Variants in IGF2R observed in about 807,000 individuals in gnomAD.
IGF2R encodes the protein insulin like growth factor 2 receptor, also known as cation-independent mannose-6-phosphate receptor.
IGF2R carries 91 observed loss-of-function variants against 270.6 expected under a neutral mutation model. The ratio of observed to expected loss-of-function variants is 0.34; its 90% CI spans 0.28 to 0.40. The LOEUF (loss-of-function observed/expected upper bound fraction) is 0.40, where lower values mean the gene tolerates loss of function less well. IGF2R is among the 10% of genes least tolerant of loss of function. The pLI is 1.00. For missense variants in IGF2R, 2,805 were observed against 3,188.3 expected (o/e 0.88, Z 2.90); for synonymous variants, 1,316 against 1,258.9 (o/e 1.05, Z -0.96).
intron 4 of IGF2R, 131 bp from the exon 5 acceptor site, chr6:160,024,441 C>T (rs749330117): frequency 6.0e-6 from 5 of 828,702 alleles, no homozygotes; most frequent in South Asian, 1.7e-5. Context: ...TGCCTGAGTT[C>T]GTTATTAGGG....
chr6:159,987,431 G>A (rs1331996423), intron 1 of IGF2R, among the ~76,000 whole-genome samples: 1 of 152,134 alleles, frequency 6.6e-6, no homozygotes, highest in African/African-American at 2.4e-5. Flanking sequence ...TCGCTGTGTT[G>A]CCCAGGCTGG....
In IGF2R at chr6:160,102,747, G is replaced by A. The variant is rs1779516658; in HGVS notation, c.6995+76G>A. Reference sequence around the variant, plus strand: ...GCTAATCTTGGGGTCAGTTTTGTGGGGTTTTATTTATTTGTTTTTAAGCCC... The same window carrying A: ...GCTAATCTTGGGGTCAGTTTTGTGGAGTTTTATTTATTTGTTTTTAAGCCC... On this transcript the variant is annotated intron_variant, in intron 46 of 47. Transcript: ENST00000356956. This position sits in a 1 kb window ranked among gnomAD's most constrained non-coding sequence, Gnocchi z 4.5. The A allele has an allele frequency of 1.4e-6, 2 of 1,461,470 alleles. No individual in the cohort carries two copies. 90.5% of individuals were successfully genotyped at this position (1,461,470 alleles called of 1,614,324 possible).
chr6:160,011,748 T>A (rs1179894861), intron 4 of IGF2R, among the ~76,000 whole-genome samples: 1 of 152,136 alleles, frequency 6.6e-6, no homozygotes, highest in African/African-American at 2.4e-5. Flanking sequence ...TTCTCCCTGG[T>A]CCTGGGGAAG....
rs374778752 is a variant in IGF2R at position 160,109,733 on chromosome 6, T to C, written c.*4649T>C. 17 of 152,228 alleles carry C rather than the reference T, an allele frequency of 1.1e-4. No individual in the cohort carries two copies. Among genetic ancestry groups the C allele is most frequent in the African/African-American group, 3.6e-4 (15 of 41,456 alleles). The allele number at this position is 152,228 out of a possible 1,614,324, so 9.4% of individuals were successfully genotyped here. A position where few individuals can be genotyped will look rare whatever the true frequency, so the allele number is the denominator to read the frequency against. ...AAGTTTCTCCTTTCTGTAACCTCCA[T>C]GACCTTGACACATGAGGTCACTCTT... On this transcript the variant is annotated 3_prime_UTR_variant, in exon 48 of 48. Coordinates refer to ENST00000356956, the MANE Select transcript of IGF2R (RefSeq NM_000876.4).
chr6:159,979,984 G>T (rs1331611270), intron 1 of IGF2R, among the ~76,000 whole-genome samples: 1 of 152,092 alleles, frequency 6.6e-6, no homozygotes, highest in East Asian at 1.9e-4. Context: ...GAGGTCAGGA[G>T]ATCGAGACCA....
intron 47 of IGF2R, among the ~76,000 whole-genome samples, 171 bp from the exon 48 acceptor site, chr6:160,104,503 C>T (rs568678932): frequency 9.9e-5 from 15 of 152,118 alleles, no homozygotes; most frequent in Admixed American, 9.2e-4. Flanking sequence ...GAAGGTGTTG[C>T]CAGCCCTCGT....
rs762601735 is a variant in IGF2R, at chr6:160,090,053, A to T, written c.6605A>T (p.His2202Leu). The change falls in exon 44 of 48, where the codon CAC becomes CTC. Residue 2202 changes from histidine to leucine, a missense_variant. Physicochemically the swap from His to Leu is moderately conservative, Grantham distance 99. Around this residue, in one of 2 missense-constraint regions of IGF2R, gnomAD observed 1,851 missense variants for 2,207.2 expected, o/e 0.84. Transcript: ENST00000356956. ...TGCCAGGTGAAGCCCAACGATCAGC[A>T]CTTCAGTCGGAAAGTTGGAACCTCT... is the stretch of plus-strand genomic sequence containing the variant. ...NICQVKPNDQHFSRKVGTSDK... is the reference protein window; with the variant it reads ...NICQVKPNDQLFSRKVGTSDK... The T allele has an allele frequency of 6.9e-6, 11 of 1,591,660 alleles. No homozygotes were observed. Among genetic ancestry groups the T allele is most frequent in the South Asian group, 4.6e-5 (4 of 87,474 alleles).
At chr6:160,066,097 C>T (rs1350349493) in intron 29 of IGF2R, among the ~76,000 whole-genome samples, 1 of 151,094 alleles carries the variant, frequency 6.6e-6, no homozygotes, top group East Asian at 1.9e-4. Flanking sequence ...TCACTGCAAC[C>T]TCCGCCTCCC....
intron 5 of IGF2R, 34 bp from the exon 6 acceptor site, chr6:160,027,151 C>A (rs754488226): frequency 3.7e-6 from 6 of 1,613,096 alleles, no homozygotes; most frequent in Non-Finnish European, 5.1e-6. Flanking sequence ...ACTCCTAACA[C>A]CTAATCTGAT....
chr6:159,980,824 T>C lies in IGF2R; in HGVS notation c.150-10360T>C, dbSNP rs566988663. On this transcript the variant is annotated intron_variant, in intron 1 of 47. Coordinates refer to ENST00000356956, the MANE Select transcript of IGF2R (RefSeq NM_000876.4). ...GAATTCTGCGCTGGGGGCTGGATTGTCCTTAAAGGCGGTTGGCCTCAGACA... is the reference window on the plus strand; with the variant it reads ...GAATTCTGCGCTGGGGGCTGGATTGCCCTTAAAGGCGGTTGGCCTCAGACA... Among the ~76,000 whole-genome samples, 8 of 152,312 alleles carry C rather than the reference T, an allele frequency of 5.3e-5. No homozygotes were observed. The South Asian group carries it at 1.0e-3, about 20-fold the overall frequency.
chr6:160,043,307 G>A lies in IGF2R; in HGVS notation c.1621+19G>A. On this transcript the variant is annotated intron_variant, in intron 12 of 47. Transcript: ENST00000356956. The stretch of plus-strand genomic sequence containing the variant: ...GCAGTGGGTGAGTTGTGCCTGGATG[G>A]AAGATCTAGGTGATGCTTTTCTAGG... 4 of 1,608,446 alleles carry A rather than the reference G, an allele frequency of 2.5e-6. No individual in the cohort carries two copies. The highest frequency in any genetic ancestry group is 3.4e-6 in the Non-Finnish European group (4 of 1,177,154).
rs1282075770 is a variant in IGF2R, at chr6:160,045,872, C to T, written c.1893C>T (p.Asp631=). The part of the protein sequence containing the change: ...KTEGENCTVF[D]SQAGFSFDLS... ...AAGGGGAGAACTGCACGGTCTTTGA[C>T]TCCCAGGCAGGTCTGTGTCCAAGCA... Residue 631 remains aspartate, a synonymous_variant, in exon 14 of 48, where the codon GAC becomes GAT. Coordinates refer to ENST00000356956, the MANE Select transcript of IGF2R (RefSeq NM_000876.4). 3 of 1,566,930 alleles carry T rather than the reference C, an allele frequency of 1.9e-6. No homozygotes were observed. Among genetic ancestry groups the T allele is most frequent in the African/African-American group, 2.7e-5 (2 of 72,756 alleles).
At chr6:159,987,260 T>C (rs1783902161) in intron 1 of IGF2R, among the ~76,000 whole-genome samples, 1 of 152,238 alleles carries the variant, frequency 6.6e-6, no homozygotes, top group Non-Finnish European at 1.5e-5. Context: ...TGGAAACATA[T>C]CTAGTGATAG....
At chr6:160,030,887 G>A (rs909146101) in intron 7 of IGF2R, among the ~76,000 whole-genome samples, 2 of 149,996 alleles carry the variant, frequency 1.3e-5, no homozygotes, top group African/African-American at 4.9e-5. Context: ...GCAGTGCCAC[G>A]ATCTCACTTC....
chr6:160,018,508 G>A (rs1419696414), intron 4 of IGF2R, among the ~76,000 whole-genome samples: 1 of 151,964 alleles, frequency 6.6e-6, no homozygotes, highest in African/African-American at 2.4e-5. Flanking sequence ...CCCCACAGCC[G>A]CAGAACATAT....
chr6:160,073,407 C>G lies in IGF2R; in HGVS notation c.4885C>G (p.Leu1629Val). The change falls in exon 34 of 48, where the codon CTG becomes GTG. Residue 1629 changes from leucine to valine, a missense_variant. Transcript: ENST00000356956. ...AACCAATAGGCCCATGCTCATCTCCCTGGACAAGCAGACATGCACTCTCTT... is the reference window on the plus strand; with the variant it reads ...AACCAATAGGCCCATGCTCATCTCCGTGGACAAGCAGACATGCACTCTCTT... ...RPTNRPMLIS[L>V]DKQTCTLFFS... 1 of 1,614,272 alleles carries G rather than the reference C, an allele frequency of 6.2e-7. No homozygotes were observed. The highest frequency in any genetic ancestry group is 8.5e-7 in the Non-Finnish European group (1 of 1,180,036).
intron 32 of IGF2R, 126 bp downstream of exon 32, chr6:160,072,162 A>G: frequency 8.4e-7 from 1 of 1,193,052 alleles, no homozygotes; most frequent in Non-Finnish European, 1.2e-6. Flanking sequence ...CAGAGGTGTC[A>G]TGGTGTGTGG....
chr6:159,976,913 A>AAT (rs1783703895), intron 1 of IGF2R, among the ~76,000 whole-genome samples: 1 of 152,190 alleles, frequency 6.6e-6, no homozygotes. Context: ...AAAGTTACTC[A>AAT]TGGTGCTGTT....
chr6:160,031,526 T>G (rs1777696145), intron 7 of IGF2R, among the ~76,000 whole-genome samples: 1 of 152,152 alleles, frequency 6.6e-6, no homozygotes, highest in Non-Finnish European at 1.5e-5. Flanking sequence ...TTCCTGTCTC[T>G]GTGGATTGGC....
Sources: gnomAD v4.1 joint callset for allele counts (sites outside exome capture counted in the v4.1 genomes callset) on GRCh38, gnomAD v4.1.1 for gene constraint, gnomAD v4.1.1 regional missense constraint, Gnocchi (gnomAD v3.1) non-coding constraint, MANE v1.5 for transcripts, NCBI Gene and HGNC (gene_info 2026-07-23, HGNC 2026-07-21) for gene names.